Variants in GPC6 observed in about 807,000 individuals in gnomAD.
GPC6 encodes glypican 6, also known as glypican-6.
In GPC6, 14 loss-of-function variants were observed where a neutral mutation model predicts 55.2. The observed-to-expected ratio is 0.25, with a 90% CI of 0.17 to 0.40. The LOEUF is 0.40. Among genes scored for constraint, GPC6 ranks in the 10% least tolerant of loss-of-function variants. The pLI is 1.00. For missense variants in GPC6, 641 were observed against 708.5 expected, an observed-to-expected ratio of 0.90 and a Z score of 1.08; for synonymous variants, 278 against 259.6, an observed-to-expected ratio of 1.07 and a Z score of -0.68.
intron 4 of GPC6, 56 bp from the exon 5 acceptor site, chr13:94,286,293 G>T: frequency 6.3e-7 from 1 of 1,593,826 alleles, no homozygotes; most frequent in Non-Finnish European, 8.6e-7. Context: ...TTAAACACAG[G>T]TTGGGAACCT....
intron 1 of GPC6, among the ~76,000 whole-genome samples, chr13:93,471,781 T>C (rs1879129085): frequency 6.6e-6 from 1 of 152,160 alleles, no homozygotes; most frequent in African/African-American, 2.4e-5. Flanking sequence ...TGTTGTTAGT[T>C]TTATGACCCA....
chr13:94,008,461 C>T (rs1882106706), intron 3 of GPC6, among the ~76,000 whole-genome samples: 2 of 152,112 alleles, frequency 1.3e-5, no homozygotes, highest in African/African-American at 2.4e-5. Context: ...TTGACACCAA[C>T]CTAGCCAACA....
chr13:94,195,103 A>AT (rs1168787596), intron 4 of GPC6, among the ~76,000 whole-genome samples: 2 of 152,200 alleles, frequency 1.3e-5, no homozygotes, highest in African/African-American at 4.8e-5. Context: ...CTGCTCTTCT[A>AT]TTTAAGTCTC....
intron 1 of GPC6, among the ~76,000 whole-genome samples, chr13:93,366,548 TTC>T (rs1223132707): frequency 6.6e-6 from 1 of 152,104 alleles, no homozygotes; most frequent in Admixed American, 6.6e-5. Flanking sequence ...GCCACCCACA[TTC>T]CTCCAATCTT....
intron 6 of GPC6, among the ~76,000 whole-genome samples, chr13:94,350,356 C>G (rs1878481882): frequency 6.6e-6 from 1 of 152,138 alleles, no homozygotes; most frequent in Non-Finnish European, 1.5e-5. Flanking sequence ...ACTTAGGCAT[C>G]AGTATGTTTA....
At chr13:93,347,519 G>A (rs1323986) in intron 1 of GPC6, among the ~76,000 whole-genome samples, 48,911 of 152,008 alleles carry the variant, frequency 0.32, 9,098 homozygotes, top group East Asian at 0.79. Flanking sequence ...TCATGAGAGG[G>A]CATGAGAAGC....
chr13:93,780,038 G>A (rs1594450375), intron 2 of GPC6, among the ~76,000 whole-genome samples: 1 of 152,196 alleles, frequency 6.6e-6, no homozygotes, highest in East Asian at 1.9e-4. Context: ...TACACATAGA[G>A]ATGAATACCT....
At chr13:93,479,616 C>G (rs932715712) in intron 1 of GPC6, among the ~76,000 whole-genome samples, 6 of 92,384 alleles carry the variant, frequency 6.5e-5, no homozygotes, top group African/African-American at 1.8e-4. Flanking sequence ...AGACCCCCCC[C>G]CATCTCTACT....
chr13:94,151,022 T>C (rs1470859897), intron 4 of GPC6, among the ~76,000 whole-genome samples: 1 of 151,882 alleles, frequency 6.6e-6, no homozygotes, highest in Non-Finnish European at 1.5e-5. Context: ...AAATATATTC[T>C]TATGATAGCT....
At chr13:93,370,984 G>A (rs1032820239) in intron 1 of GPC6, among the ~76,000 whole-genome samples, 6 of 151,984 alleles carry the variant, frequency 3.9e-5, no homozygotes, top group East Asian at 1.9e-4. Context: ...TTGAAAAGAC[G>A]GTTTGTGGAA....
At chr13:93,736,168 C>T (rs1468211079) in intron 2 of GPC6, among the ~76,000 whole-genome samples, 1 of 152,180 alleles carries the variant, frequency 6.6e-6, no homozygotes, top group Non-Finnish European at 1.5e-5. Flanking sequence ...GGGGCCCAGA[C>T]AGTCACATGT....
chr13:93,231,397 GTATATATATA>G (rs71123471), intron 1 of GPC6, among the ~76,000 whole-genome samples: 1 of 45,870 alleles, frequency 2.2e-5, no homozygotes, highest in African/African-American at 1.0e-4. Flanking sequence ...ATATATATAT[GTATATATATA>G]TATATATATA....
intron 1 of GPC6, among the ~76,000 whole-genome samples, chr13:93,416,512 C>G (rs1363812697): frequency 6.6e-6 from 1 of 152,050 alleles, no homozygotes; most frequent in Admixed American, 6.6e-5. Context: ...AGAGTATCCA[C>G]CCCCTCAAGC....
At chr13:93,662,190 G>A (rs1309621529) in intron 2 of GPC6, among the ~76,000 whole-genome samples, 1 of 152,092 alleles carries the variant, frequency 6.6e-6, no homozygotes, top group Non-Finnish European at 1.5e-5. Flanking sequence ...TGCATCTTGA[G>A]TTTTCTGTTA....
intron 4 of GPC6, among the ~76,000 whole-genome samples, chr13:94,101,451 G>C: frequency 6.6e-6 from 1 of 152,304 alleles, no homozygotes; most frequent in East Asian, 1.9e-4. Context: ...TCCAGTGTCT[G>C]TGTTGTATGT....
intron 4 of GPC6, among the ~76,000 whole-genome samples, chr13:94,118,382 C>T (rs147577276): frequency 4.1e-4 from 62 of 152,152 alleles, no homozygotes; most frequent in African/African-American, 1.4e-3. Context: ...CTGAGGTCTC[C>T]CCAGCCGTAC....
At chr13:94,003,442 A>C (rs1320550166) in intron 3 of GPC6, among the ~76,000 whole-genome samples, 1 of 152,234 alleles carries the variant, frequency 6.6e-6, no homozygotes, top group Non-Finnish European at 1.5e-5. Context: ...CACTGCTCTT[A>C]GCAAATAATT....
intron 1 of GPC6, among the ~76,000 whole-genome samples, chr13:93,343,128 G>GC (rs1880317047): frequency 8.3e-6 from 1 of 120,220 alleles, no homozygotes; most frequent in East Asian, 2.3e-4. Context: ...GACAACCCCC[G>GC]CCCCCCACCA....
intron 3 of GPC6, 55 bp downstream of exon 3, chr13:93,830,600 A>G: frequency 7.6e-7 from 1 of 1,315,150 alleles, no homozygotes; most frequent in Non-Finnish European, 1.0e-6. Context: ...TTCTGTTTTT[A>G]AAACCAATGT....
Sources: allele counts gnomAD v4.1 joint callset (sites outside exome capture counted in the v4.1 genomes callset), GRCh38; gene constraint gnomAD v4.1.1; transcripts MANE v1.5; gene names NCBI Gene and HGNC (gene_info 2026-07-23, HGNC 2026-07-21).